CAMK2B: variants seen among roughly 807,000 people sequenced by gnomAD.
The protein encoded by CAMK2B is calcium/calmodulin dependent protein kinase II beta, also known as calcium/calmodulin-dependent protein kinase type II subunit beta.
CAMK2B carries 27 observed loss-of-function variants against 93.7 expected under a neutral mutation model. That is an observed-to-expected ratio of 0.29 (90% CI 0.21 to 0.40). CAMK2B has a LOEUF of 0.40. CAMK2B is among the 10% of genes least tolerant of loss of function. The pLI is 1.00. For synonymous variants in CAMK2B, 374 were observed against 358.8 expected (o/e 1.04, Z -0.48); for missense variants, 568 against 895.8 (o/e 0.63, Z 4.67).
intron 16 of CAMK2B, 87 bp from the exon 17 acceptor site, chr7:44,231,141 TG>T: frequency 1.1e-6 from 1 of 929,144 alleles, no homozygotes. Context: ...GCTGGGCCTG[TG>T]TCAGGACCAG....
intron 2 of CAMK2B, among the ~76,000 whole-genome samples, chr7:44,270,742 A>AC (rs1000967393): frequency 1.3e-5 from 2 of 151,528 alleles, no homozygotes; most frequent in Non-Finnish European, 1.5e-5. Flanking sequence ...CCCCAAAGCC[A>AC]CCCCCCATCC....
intron 2 of CAMK2B, among the ~76,000 whole-genome samples, chr7:44,277,866 C>T (rs2097063170): frequency 6.6e-6 from 1 of 152,152 alleles, no homozygotes; most frequent in African/African-American, 2.4e-5. Flanking sequence ...CCATCCTCTA[C>T]CTCCCTGAAT....
chr7:44,309,741 G>C (rs1792976959), intron 1 of CAMK2B, among the ~76,000 whole-genome samples: 1 of 152,228 alleles, frequency 6.6e-6, no homozygotes, highest in Admixed American at 6.5e-5. Flanking sequence ...AGTGGGACCT[G>C]AGTGGATCCA....
intron 15 of CAMK2B, among the ~76,000 whole-genome samples, chr7:44,233,249 G>A (rs1562834909): frequency 1.3e-5 from 2 of 152,118 alleles, no homozygotes; most frequent in Non-Finnish European, 1.5e-5. Flanking sequence ...GTGGTGGGGG[G>A]CACAGGTTTG....
intron 12 of CAMK2B, 45 bp from the exon 13 acceptor site, chr7:44,239,708 GAC>G (rs2096658744): frequency 2.3e-6 from 3 of 1,332,696 alleles, no homozygotes; most frequent in Non-Finnish European, 3.2e-6. Flanking sequence ...GGGGTGGGCG[GAC>G]ACAGACGAGG....
chr7:44,245,850 A>C (rs980031213), intron 6 of CAMK2B, among the ~76,000 whole-genome samples: 30 of 152,194 alleles, frequency 2.0e-4, no homozygotes, highest in African/African-American at 6.8e-4. Flanking sequence ...GTTGGTCTTA[A>C]AAATGCCATC....
At chr7:44,301,494 A>G (rs934703239) in intron 1 of CAMK2B, among the ~76,000 whole-genome samples, 1 of 152,174 alleles carries the variant, frequency 6.6e-6, no homozygotes, top group East Asian at 1.9e-4. Flanking sequence ...TGAAAAGAAG[A>G]GGCCGGGCAC....
At position 44,234,391 on chromosome 7, in the gene CAMK2B, AG is replaced by A; in HGVS notation, c.1129del (p.Leu377TrpfsTer26). On this transcript the variant is annotated frameshift_variant and splice_region_variant, in exon 15 of 24. Transcript: ENST00000395749. LOFTEE classifies it high-confidence loss of function. ...GGCAGAATTTGAGGAGCTCAGTACC[AG>A]GGCGGCAGGAGGAAGCGTCCCTTTG... ...SPKGTLPPAA[L>X]EPQTTVIHNP... 1 of 1,520,680 alleles carries A rather than the reference AG, an allele frequency of 6.6e-7. No homozygotes were observed. Among genetic ancestry groups the A allele is most frequent in the Non-Finnish European group, 8.8e-7 (1 of 1,137,054 alleles). The allele number at this position is 1,520,680 out of a possible 1,614,324, so 94.2% of individuals were successfully genotyped here. A position where few individuals can be genotyped will look rare whatever the true frequency, so the allele number is the denominator to read the frequency against.
chr7:44,233,892 C>A (rs2096601812), intron 15 of CAMK2B, among the ~76,000 whole-genome samples: 1 of 152,226 alleles, frequency 6.6e-6, no homozygotes, highest in Admixed American at 6.5e-5. Context: ...ACCACCGTGG[C>A]CCCGTCTCCC....
chr7:44,245,595 G>A lies in CAMK2B; in HGVS notation c.414+1525C>T, dbSNP rs192516190. ...TCCTAGCACCAACCCACGTGGCCCC[G>A]AGGGGAGCACCTGGGGGCCCCCTCC... On this transcript the variant is annotated intron_variant, in intron 6 of 23. Coordinates refer to ENST00000395749, the MANE Select transcript of CAMK2B (RefSeq NM_001220.5). 4.3e-4 allele frequency among the ~76,000 whole-genome samples: 65 copies of A among 152,292 alleles called. No homozygotes were observed. In the South Asian group the frequency reaches 0.013, roughly 30 times the overall value.
At position 44,224,646 on chromosome 7, in the gene CAMK2B, T is replaced by C. The variant is rs1217651070; in HGVS notation, c.1597+1870A>G. Reference sequence around the variant, plus strand: ...AGGTTCTCATCCTGGCCTGGACTCCTGGGACCCCAGGCTGGCCCCAAGCCC... The same window carrying C: ...AGGTTCTCATCCTGGCCTGGACTCCCGGGACCCCAGGCTGGCCCCAAGCCC... On this transcript the variant is annotated intron_variant, in intron 20 of 23. Coordinates refer to ENST00000395749, the MANE Select transcript of CAMK2B (RefSeq NM_001220.5). The surrounding 1 kb of genome is among the most constrained non-coding windows in gnomAD (Gnocchi z 4.4). Among the ~76,000 whole-genome samples the C allele has an allele frequency of 6.6e-6, 1 of 152,144 alleles. No individual in the cohort carries two copies. The highest frequency in any genetic ancestry group is 1.9e-4 in the East Asian group (1 of 5,198).
At chr7:44,228,271 T>C (rs988317434) in intron 19 of CAMK2B, among the ~76,000 whole-genome samples, 2 of 152,034 alleles carry the variant, frequency 1.3e-5, no homozygotes, top group Non-Finnish European at 2.9e-5. Context: ...TATCCCCTTG[T>C]TGGTGAGCTC....
At chr7:44,323,735 A>G (rs73317802) in intron 1 of CAMK2B, 2,646 of 155,018 alleles carry the variant, frequency 0.017, 76 homozygotes, top group African/African-American at 0.06. Flanking sequence ...AGACAACAAG[A>G]AGGCTCCTGA....
At chr7:44,263,167 G>T in intron 2 of CAMK2B, 103 bp from the exon 3 acceptor site, 1 of 1,049,984 alleles carries the variant, frequency 9.5e-7, no homozygotes, top group Non-Finnish European at 1.4e-6. Flanking sequence ...CAGGGCCTCT[G>T]ACGAGAGGAG....
At chr7:44,238,004 C>T (rs1182640736) in intron 13 of CAMK2B, among the ~76,000 whole-genome samples, 1 of 152,200 alleles carries the variant, frequency 6.6e-6, no homozygotes, top group Non-Finnish European at 1.5e-5. Context: ...GGTCTCTCTG[C>T]GGGCCGAGGG....
At chr7:44,257,433 A>G (rs2096843680) in intron 4 of CAMK2B, among the ~76,000 whole-genome samples, 1 of 152,220 alleles carries the variant, frequency 6.6e-6, no homozygotes, top group African/African-American at 2.4e-5. Flanking sequence ...ACACACATGC[A>G]CGAACACACC....
intron 1 of CAMK2B, among the ~76,000 whole-genome samples, chr7:44,289,819 C>T (rs763671502): frequency 5.9e-5 from 9 of 152,224 alleles, no homozygotes; most frequent in Non-Finnish European, 1.3e-4. Context: ...CGCTGGGCCA[C>T]GCAGGATCAA....
chr7:44,274,400 G>A (rs1204004284), intron 2 of CAMK2B, among the ~76,000 whole-genome samples: 1 of 152,194 alleles, frequency 6.6e-6, no homozygotes, highest in Non-Finnish European at 1.5e-5. Flanking sequence ...TGGATCTCCA[G>A]CTCTCCAGAC....
intron 16 of CAMK2B, 62 bp from the exon 17 acceptor site, chr7:44,231,116 G>A (rs1312216396): frequency 2.2e-6 from 3 of 1,381,678 alleles, no homozygotes; most frequent in Admixed American, 4.0e-5. Context: ...ACGTGGCTGA[G>A]GGCAGGTGGA....
Sources: allele counts gnomAD v4.1 joint callset (sites outside exome capture counted in the v4.1 genomes callset), GRCh38; gene constraint gnomAD v4.1.1; non-coding constraint Gnocchi (gnomAD v3.1); transcripts MANE v1.5; gene names NCBI Gene and HGNC (gene_info 2026-07-23, HGNC 2026-07-21).